SEC31A: variants seen among roughly 807,000 people sequenced by gnomAD.
SEC31A encodes SEC31 homolog A, COPII component.
A neutral mutation model predicts 151.0 loss-of-function variants in SEC31A; 70 were observed. That is an observed-to-expected ratio of 0.46 (90% CI 0.38 to 0.57). The LOEUF (loss-of-function observed/expected upper bound fraction) is 0.57, where lower values mean the gene tolerates loss of function less well. Among genes scored for constraint, SEC31A ranks in the 20% least tolerant of loss-of-function variants. The pLI, the probability that SEC31A is intolerant of heterozygous loss-of-function variation, is 0.00. For synonymous variants in SEC31A, 475 were observed against 505.9 expected (o/e 0.94, Z 0.82); for missense variants, 1,330 against 1,471.2 (o/e 0.90, Z 1.57).
At chr4:82,873,757 C>CA (rs950319868) in intron 6 of SEC31A, among the ~76,000 whole-genome samples, 2 of 151,460 alleles carry the variant, frequency 1.3e-5, no homozygotes, top group East Asian at 1.9e-4. Flanking sequence ...AACAAACAAA[C>CA]AAAAAAAGCT....
chr4:82,820,133 G>GTTTTTTTTTTTTTTTTTTTTTTT (rs34724288), intron 26 of SEC31A, among the ~76,000 whole-genome samples: 1 of 113,806 alleles, frequency 8.8e-6, no homozygotes, highest in Non-Finnish European at 1.8e-5. Context: ...TGTATCTTCT[G>GTTTTTTTTTTTTTTTTTTTTTTT]TTTTTTTTTT....
chr4:82,875,319 G>A (rs1737661379), intron 5 of SEC31A, among the ~76,000 whole-genome samples: 1 of 152,182 alleles, frequency 6.6e-6, no homozygotes, highest in African/African-American at 2.4e-5. Flanking sequence ...CAAAGGGCTT[G>A]AGGTATTTAT....
intron 6 of SEC31A, 30 bp from the exon 7 acceptor site, chr4:82,872,116 A>C: frequency 6.4e-7 from 1 of 1,564,190 alleles, no homozygotes; most frequent in African/African-American, 1.3e-5. Flanking sequence ...ACATTTTATG[A>C]ATCAAATTAC....
chr4:82,863,288 G>C (rs745552309), intron 12 of SEC31A, 30 bp downstream of exon 12: 1 of 1,195,236 alleles, frequency 8.4e-7, no homozygotes, highest in South Asian at 1.3e-5. Context: ...TTCATAAAGA[G>C]CATGCCATCT....
Position 82,824,592 on chromosome 4 carries a change from T to A in SEC31A, c.3374A>T (p.Asp1125Val). 25 of 1,614,032 alleles carry A rather than the reference T, an allele frequency of 1.5e-5. No individual in the cohort carries two copies. Among genetic ancestry groups the A allele is most frequent in the Non-Finnish European group, 2.0e-5 (24 of 1,179,956 alleles). ...EHLILKTTFE[D>V]LIQRCLSSAT... ...TGAAGAAAGGCAGCGCTGAATAAGATCCTCAAATGTGGTCTTTAGAATGAG... is the reference window on the plus strand; with the variant it reads ...TGAAGAAAGGCAGCGCTGAATAAGAACCTCAAATGTGGTCTTTAGAATGAG... The change falls in exon 25 of 27, where the codon GAT (aspartate) becomes GTT (valine). Residue 1125 changes from aspartate to valine, a missense_variant. Physicochemically the swap from Asp to Val is radical, Grantham distance 152 (BLOSUM62 -3). Coordinates refer to ENST00000395310, the MANE Select transcript of SEC31A (RefSeq NM_001077207.4).
Position 82,891,070 on chromosome 4 carries a change from A to T in SEC31A, c.-5+18T>A. On this transcript the variant is annotated intron_variant, in intron 1 of 26. Transcript: ENST00000395310. ...TTAAGGACCGGCGAAGAGGACAAAAAGCAACGGGCGGACGCACCTGGCGAG... is the reference window on the plus strand; with the variant it reads ...TTAAGGACCGGCGAAGAGGACAAAATGCAACGGGCGGACGCACCTGGCGAG... 2 of 1,535,910 alleles carry T rather than the reference A, an allele frequency of 1.3e-6. No individual in the cohort carries two copies. Among genetic ancestry groups the T allele is most frequent in the South Asian group, 1.2e-5 (1 of 84,052 alleles).
Position 82,857,110 on chromosome 4 carries a change from G to A in SEC31A, c.1723C>T (p.Gln575Ter), listed in dbSNP as rs1269237788. The A allele has an allele frequency of 6.2e-7, 1 of 1,612,102 alleles. No individual in the cohort carries two copies. Among genetic ancestry groups the A allele is most frequent in the Admixed American group, 1.7e-5 (1 of 59,340 alleles). Residue 575 changes from glutamine (Q) to a stop codon, truncating the protein, a stop_gained, in exon 16 of 27, where the codon CAG becomes TAG. Transcript: ENST00000395310. LOFTEE classifies it high-confidence loss of function. The part of the protein sequence containing the change: ...VSGDIDGLIT[Q>*]ALLTGNFESA... Reference sequence around the variant, plus strand: ...TCAAAATTGCCCGTCAGCAAAGCCTGAGTAATTAAACCATCAATGTCTGCA... The same window carrying A: ...TCAAAATTGCCCGTCAGCAAAGCCTAAGTAATTAAACCATCAATGTCTGCA...
chr4:82,835,109 A>T (rs1366547819), intron 22 of SEC31A, among the ~76,000 whole-genome samples: 1 of 152,190 alleles, frequency 6.6e-6, no homozygotes. Flanking sequence ...GACCTCCCAA[A>T]GTGCTGGGAT....
At chr4:82,838,736 A>G (rs544557022) in intron 22 of SEC31A, among the ~76,000 whole-genome samples, 1 of 152,202 alleles carries the variant, frequency 6.6e-6, no homozygotes, top group African/African-American at 2.4e-5. Flanking sequence ...TGCCTCCATT[A>G]TCTCTGTCTG....
At chr4:82,886,168 A>G (rs1740665970) in intron 1 of SEC31A, among the ~76,000 whole-genome samples, 1 of 152,248 alleles carries the variant, frequency 6.6e-6, no homozygotes, top group African/African-American at 2.4e-5. Context: ...ATAACAAAGC[A>G]ACCAGCATGC....
In SEC31A at chr4:82,862,368, C is replaced by T. The variant is rs191991349; in HGVS notation, c.1548+166G>A. ...AGAAAGGAATGCTCTACCAGCTAAG[C>T]TCATGTTATTTTAAAATGAGAATTA... is the stretch of plus-strand genomic sequence containing the variant. On this transcript the variant is annotated intron_variant, in intron 13 of 26. Coordinates refer to ENST00000395310, the MANE Select transcript of SEC31A (RefSeq NM_001077207.4). Among the ~76,000 whole-genome samples the T allele has an allele frequency of 5.3e-5, 8 of 152,064 alleles. No homozygotes were observed. The East Asian group carries it at 1.5e-3, about 29-fold the overall frequency.
At position 82,870,361 on chromosome 4, in the gene SEC31A, A is replaced by G. The variant is rs770639384; in HGVS notation, c.846T>C (p.Asp282=). The part of the protein sequence containing the change: ...DPELLLSCGK[D]AKILCSNPNT... ...TTGGATTGGAGCAGAGAATCTTAGC[A>G]TCTTTTCCACAGCTCAGTAACAATT... is the stretch of plus-strand genomic sequence containing the variant. Residue 282 remains aspartate, a synonymous_variant, in exon 8 of 27, where the codon GAT becomes GAC. Transcript: ENST00000395310. 3.1e-6 allele frequency: 5 copies of G among 1,614,010 alleles called. No individual in the cohort carries two copies. Among genetic ancestry groups the G allele is most frequent in the African/African-American group, 2.7e-5 (2 of 75,054 alleles).
intron 14 of SEC31A, among the ~76,000 whole-genome samples, chr4:82,860,662 A>C (rs1733928280): frequency 6.6e-6 from 1 of 150,856 alleles, no homozygotes; most frequent in South Asian, 2.1e-4. Context: ...TTTTTTAGAG[A>C]TAGGGTCTCA....
At chr4:82,822,444 G>A (rs1723567553) in intron 25 of SEC31A, among the ~76,000 whole-genome samples, 1 of 152,190 alleles carries the variant, frequency 6.6e-6, no homozygotes, top group South Asian at 2.1e-4. Context: ...GGAGCAGCAA[G>A]TATAAAGTCC....
upstream of SEC31A, among the ~76,000 whole-genome samples, chr4:82,891,434 A>G (rs965982931): frequency 6.6e-6 from 1 of 152,172 alleles, no homozygotes; most frequent in African/African-American, 2.4e-5. Flanking sequence ...AGCCAGGACT[A>G]GTGGGTAAAG....
chr4:82,821,902 A>G (rs767732150), intron 25 of SEC31A, among the ~76,000 whole-genome samples: 7 of 152,186 alleles, frequency 4.6e-5, no homozygotes, highest in Non-Finnish European at 8.8e-5. Flanking sequence ...ACACTTAGTT[A>G]CATTTGTTTA....
chr4:82,853,215 T>A (rs1400571538), intron 18 of SEC31A, among the ~76,000 whole-genome samples: 2 of 152,146 alleles, frequency 1.3e-5, no homozygotes, highest in African/African-American at 4.8e-5. Context: ...TGCCTCCTAT[T>A]CCTTTACCCA....
At chr4:82,864,243 TG>T in intron 11 of SEC31A, 118 bp downstream of exon 11, 1 of 722,818 alleles carries the variant, frequency 1.4e-6, no homozygotes, top group East Asian at 2.6e-5. Context: ...AATTTCATGA[TG>T]AATTGCTGAA....
intron 22 of SEC31A, among the ~76,000 whole-genome samples, chr4:82,836,389 AAAAG>A (rs1727304612): frequency 6.7e-6 from 1 of 149,580 alleles, no homozygotes; most frequent in Non-Finnish European, 1.5e-5. Flanking sequence ...AAAAAAAAAA[AAAAG>A]AAAAAGAATT....
Sources: gnomAD v4.1 joint callset for allele counts (sites outside exome capture counted in the v4.1 genomes callset) on GRCh38, gnomAD v4.1.1 for gene constraint, MANE v1.5 for transcripts, NCBI Gene and HGNC (gene_info 2026-07-23, HGNC 2026-07-21) for gene names.